The following AMN1 variants were observed in gnomAD, a reference collection of about 807,000 sequenced individuals.
The protein encoded by AMN1 is antagonist of mitotic exit network 1 homolog.
Under a neutral mutation model 33.0 loss-of-function variants are expected in AMN1, and 20 were observed. That is an observed-to-expected ratio of 0.61 (90% CI 0.43 to 0.88). The LOEUF is 0.88. Among genes scored for constraint, AMN1 ranks in the 40% least tolerant of loss-of-function variants. The probability of loss-of-function intolerance (pLI) is 0.00; values close to 1 mark genes in which losing one functional copy is unlikely to be tolerated. For missense variants in AMN1, 246 were observed against 307.4 expected (o/e 0.80, Z 1.49); for synonymous variants, 114 against 111.9 (o/e 1.02, Z -0.12).
At chr12:31,728,939 G>T in intron 1 of AMN1, 32 bp downstream of exon 1, 1 of 1,539,262 alleles carries the variant, frequency 6.5e-7, no homozygotes, top group Non-Finnish European at 8.8e-7. Context: ...TGCTGGGGCG[G>T]CGCGAAGGGA....
At chr12:31,707,600 T>G (rs546512199) in intron 2 of AMN1, among the ~76,000 whole-genome samples, 20 of 152,340 alleles carry the variant, frequency 1.3e-4, no homozygotes, top group African/African-American at 4.6e-4. Context: ...CTCTCCCACC[T>G]TTCTCTTTAA....
chr12:31,712,411 C>A (rs1002848157), intron 1 of AMN1, among the ~76,000 whole-genome samples: 3 of 152,024 alleles, frequency 2.0e-5, no homozygotes, highest in African/African-American at 7.2e-5. Flanking sequence ...CCACGCCCGG[C>A]TAATTTTTGT....
At chr12:31,714,831 A>C in intron 1 of AMN1, 1 of 793,218 alleles carries the variant, frequency 1.3e-6, no homozygotes, top group Non-Finnish European at 1.5e-6. Flanking sequence ...ATTGACCTAA[A>C]AGCTCTACCT....
intron 1 of AMN1, among the ~76,000 whole-genome samples, chr12:31,711,743 A>G (rs1412725039): frequency 6.6e-6 from 1 of 152,080 alleles, no homozygotes; most frequent in Non-Finnish European, 1.5e-5. Context: ...TTCTCTTCTA[A>G]CCATTTTGAA....
chr12:31,697,404 C>T lies in AMN1; in HGVS notation c.548G>A (p.Gly183Asp). 2 of 1,613,156 alleles carry T rather than the reference C, an allele frequency of 1.2e-6. No homozygotes were observed. Among genetic ancestry groups the T allele is most frequent in the South Asian group, 1.1e-5 (1 of 90,930 alleles). The change falls in exon 5 of 7, where the codon GGT (glycine) becomes GAT (aspartate). Residue 183 changes from glycine to aspartate, a missense_variant. Transcript: ENST00000281471. ...AGGTCCACTAACAAGTGCAATCACACCACTGTCAGATACCTAAGCAAAGGG... is the reference window on the plus strand; with the variant it reads ...AGGTCCACTAACAAGTGCAATCACATCACTGTCAGATACCTAAGCAAAGGG... ...DFSATQVSDS[G>D]VIALVSGPCA...
intron 6 of AMN1, among the ~76,000 whole-genome samples, chr12:31,675,093 C>T (rs1253262010): frequency 6.7e-6 from 1 of 148,594 alleles, no homozygotes; most frequent in African/African-American, 2.6e-5. Flanking sequence ...TAGAAGATAA[C>T]TTCCTCAACC....
chr12:31,682,590 T>TA (rs1332144437), intron 6 of AMN1, among the ~76,000 whole-genome samples: 1 of 152,146 alleles, frequency 6.6e-6, no homozygotes, highest in Non-Finnish European at 1.5e-5. Context: ...CTGGGGTTTT[T>TA]ATCTATGGAT....
chr12:31,689,924 CCT>C (rs1245484543), intron 5 of AMN1, among the ~76,000 whole-genome samples: 6 of 152,254 alleles, frequency 3.9e-5, no homozygotes, highest in South Asian at 2.1e-4. Flanking sequence ...ACCCTTTCCC[CCT>C]GAGTCCCCAA....
chr12:31,723,472 G>T (rs891581472), intron 1 of AMN1, among the ~76,000 whole-genome samples: 3 of 152,082 alleles, frequency 2.0e-5, no homozygotes, highest in African/African-American at 4.8e-5. Context: ...CACTATGCCC[G>T]GCTAAGTTTT....
intron 3 of AMN1, 51 bp from the exon 4 acceptor site, chr12:31,698,008 T>C: frequency 6.5e-7 from 1 of 1,547,928 alleles, no homozygotes; most frequent in Non-Finnish European, 8.9e-7. Flanking sequence ...TGTATATGTA[T>C]ACATGAGAAA....
At chr12:31,678,598 T>C (rs1222562366) in intron 6 of AMN1, among the ~76,000 whole-genome samples, 1 of 152,152 alleles carries the variant, frequency 6.6e-6, no homozygotes, top group Admixed American at 6.6e-5. Flanking sequence ...GGTTTCACCA[T>C]ATTGGCCAGG....
At chr12:31,704,031 T>A (rs940100855) in intron 2 of AMN1, among the ~76,000 whole-genome samples, 10 of 152,240 alleles carry the variant, frequency 6.6e-5, no homozygotes, top group African/African-American at 2.4e-4. Flanking sequence ...TTATCATAAA[T>A]GATATTATAA....
intron 6 of AMN1, among the ~76,000 whole-genome samples, chr12:31,681,508 C>T (rs188744125): frequency 2.6e-5 from 4 of 152,166 alleles, no homozygotes; most frequent in East Asian, 3.9e-4. Context: ...GGATTACAGG[C>T]GTGAGCCACC....
At chr12:31,710,776 G>A in intron 1 of AMN1, among the ~76,000 whole-genome samples, 1 of 152,134 alleles carries the variant, frequency 6.6e-6, no homozygotes, top group East Asian at 1.9e-4. Flanking sequence ...CTTGTATGCT[G>A]ACAAGCATTA....
chr12:31,717,347 C>T (rs556649450), intron 1 of AMN1, among the ~76,000 whole-genome samples: 5 of 152,274 alleles, frequency 3.3e-5, no homozygotes, highest in African/African-American at 1.2e-4. Flanking sequence ...CAGTCTATCA[C>T]TGATGAGCAT....
At position 31,672,099 on chromosome 12, in the gene AMN1, A is replaced by T; in HGVS notation, c.*205T>A. 1 of 486,250 alleles carries T rather than the reference A, an allele frequency of 2.1e-6. No individual in the cohort carries two copies. The highest frequency in any genetic ancestry group is 3.7e-6 in the Non-Finnish European group (1 of 272,750). The allele number at this position is 486,250 out of a possible 1,614,324, so 30.1% of individuals were successfully genotyped here. On this transcript the variant is annotated 3_prime_UTR_variant, in exon 7 of 7. Coordinates refer to ENST00000281471, the MANE Select transcript of AMN1 (RefSeq NM_001113402.2). ...TAATGACTCATCCAACAGATATAGA[A>T]TAATAGCACTTTAAAGATGTTTAAG...
At chr12:31,672,895 G>A (rs985749564) in intron 6 of AMN1, 3 of 153,906 alleles carry the variant, frequency 1.9e-5, no homozygotes, top group African/African-American at 4.8e-5. Context: ...AAGTTGACCT[G>A]TAGCTGAACA....
intron 2 of AMN1, among the ~76,000 whole-genome samples, chr12:31,702,266 A>T (rs559400070): frequency 1.3e-5 from 2 of 152,340 alleles, no homozygotes; most frequent in East Asian, 3.9e-4. Context: ...AATTCAGGGG[A>T]AGGATCCATA....
chr12:31,697,592 T>G (rs1217981118), intron 4 of AMN1, 148 bp downstream of exon 4: 1 of 1,016,644 alleles, frequency 9.8e-7, no homozygotes, highest in Non-Finnish European at 1.5e-6. Context: ...TGCCAATATA[T>G]ATCTCAATTA....
Sources: gnomAD v4.1 joint callset for allele counts (sites outside exome capture counted in the v4.1 genomes callset) on GRCh38, gnomAD v4.1.1 for gene constraint, MANE v1.5 for transcripts, NCBI Gene and HGNC (gene_info 2026-07-23, HGNC 2026-07-21) for gene names.